ATP6V0D1: variants seen among roughly 807,000 people sequenced by gnomAD.
The protein encoded by ATP6V0D1 is ATPase H+ transporting V0 subunit d1, also known as V-type proton ATPase subunit d 1.
A neutral mutation model predicts 39.0 loss-of-function variants in ATP6V0D1; 13 were observed. The ratio of observed to expected loss-of-function variants is 0.33; its 90% CI spans 0.22 to 0.53. ATP6V0D1 has a LOEUF of 0.53. Ranked by LOEUF, ATP6V0D1 falls within the 20% of genes least tolerant of loss-of-function variation. The pLI, the probability that ATP6V0D1 is intolerant of heterozygous loss-of-function variation, is 0.94. For missense variants in ATP6V0D1, 272 were observed against 470.9 expected, an observed-to-expected ratio of 0.58 and a Z score of 3.91; for synonymous variants, 191 against 191.2, an observed-to-expected ratio of 1.00 and a Z score of 0.01.
chr16:67,451,460 G>A (rs536269379), intron 2 of ATP6V0D1, among the ~76,000 whole-genome samples: 1 of 152,222 alleles, frequency 6.6e-6, no homozygotes. Flanking sequence ...TGGAGGGCCT[G>A]AAGGCTGTGG....
chr16:67,444,743 G>A lies in ATP6V0D1; in HGVS notation c.303-37C>T, dbSNP rs774702108. 2 of 1,536,760 alleles carry A rather than the reference G, an allele frequency of 1.3e-6. No individual in the cohort carries two copies. The highest frequency in any genetic ancestry group is 1.8e-6 in the Non-Finnish European group (2 of 1,138,034). ...AGGCAATAGCAAGGAGCCCATCAAG[G>A]TGGGGGCCGGGAAGTCCTGGCATAG... On this transcript the variant is annotated intron_variant, in intron 2 of 7. Coordinates refer to ENST00000290949, the MANE Select transcript of ATP6V0D1 (RefSeq NM_004691.5). The surrounding 1 kb of genome is among the most constrained non-coding windows in gnomAD (Gnocchi z 4.8).
chr16:67,473,117 C>G (rs2041387581), intron 1 of ATP6V0D1, among the ~76,000 whole-genome samples: 1 of 152,138 alleles, frequency 6.6e-6, no homozygotes, highest in Admixed American at 6.5e-5. Context: ...TTCCACCTCC[C>G]AAGGCTGCTG....
At chr16:67,443,305 C>T in intron 3 of ATP6V0D1, 127 bp from the exon 4 acceptor site, 1 of 846,234 alleles carries the variant, frequency 1.2e-6, no homozygotes, top group South Asian at 1.6e-5. Flanking sequence ...GAGGGGTCCC[C>T]AGCCTAGGCT....
At chr16:67,452,300 C>T in intron 2 of ATP6V0D1, 1 of 1,535,720 alleles carries the variant, frequency 6.5e-7, no homozygotes, top group African/African-American at 1.4e-5. Flanking sequence ...CAGGAGAGGG[C>T]CTGCTTCCTA....
Position 67,453,443 on chromosome 16 carries a change from C to G in ATP6V0D1, c.302+101G>C, listed in dbSNP as rs911525376. On this transcript the variant is annotated intron_variant, in intron 2 of 7. Coordinates refer to ENST00000290949, the MANE Select transcript of ATP6V0D1 (RefSeq NM_004691.5). The surrounding 1 kb of genome is among the most constrained non-coding windows in gnomAD (Gnocchi z 4.1). ...CTGCCATCAGCTCTGACAGCTGACACAGGCACGAAGGCAGCTAGCCTAAGC... is the reference window on the plus strand; with the variant it reads ...CTGCCATCAGCTCTGACAGCTGACAGAGGCACGAAGGCAGCTAGCCTAAGC... 6 of 1,412,106 alleles carry G rather than the reference C, an allele frequency of 4.2e-6. No individual in the cohort carries two copies. The highest frequency in any genetic ancestry group is 2.1e-4 in the Middle Eastern group (1 of 4,822). The allele number at this position is 1,412,106 out of a possible 1,614,324, so 87.5% of individuals were successfully genotyped here.
rs560342160 is a variant in ATP6V0D1, at chr16:67,451,791, T to C, written c.302+1753A>G. Among the ~76,000 whole-genome samples, 6 of 152,352 alleles carry C rather than the reference T, an allele frequency of 3.9e-5. No homozygotes were observed. The East Asian group carries it at 1.2e-3, about 29-fold the overall frequency. The stretch of plus-strand genomic sequence containing the variant: ...AGCACTTGGCTGCTTTAAGCACCCT[T>C]GGTGCTTGCAGCCAACCTCCAGCTG... On this transcript the variant is annotated intron_variant, in intron 2 of 7. Coordinates refer to ENST00000290949, the MANE Select transcript of ATP6V0D1 (RefSeq NM_004691.5).
At chr16:67,477,433 T>A (rs909024356) in intron 1 of ATP6V0D1, among the ~76,000 whole-genome samples, 17 of 152,340 alleles carry the variant, frequency 1.1e-4, no homozygotes, top group South Asian at 2.1e-4. Context: ...GTCATTTTTT[T>A]AAAATACTCA....
Position 67,453,316 on chromosome 16 carries a change from T to C in ATP6V0D1, c.302+228A>G, listed in dbSNP as rs1002842340. Among the ~76,000 whole-genome samples the C allele has an allele frequency of 1.3e-5, 2 of 152,152 alleles. No individual in the cohort carries two copies. The highest frequency in any genetic ancestry group is 2.9e-5 in the Non-Finnish European group (2 of 68,016). On this transcript the variant is annotated intron_variant, in intron 2 of 7. Coordinates refer to ENST00000290949, the MANE Select transcript of ATP6V0D1 (RefSeq NM_004691.5). This position sits in a 1 kb window ranked among gnomAD's most constrained non-coding sequence, Gnocchi z 4.1. ...CAGTAGTGAACGTGCTGGTGACCCA[T>C]TTCATAGGTGGTGGCCTGGAAGTCC...
intron 4 of ATP6V0D1, chr16:67,439,693 C>A: frequency 2.9e-6 from 1 of 342,278 alleles, no homozygotes; most frequent in South Asian, 4.0e-5. Flanking sequence ...TCCTTTTCCC[C>A]AAATCTTTCC....
intron 1 of ATP6V0D1, among the ~76,000 whole-genome samples, chr16:67,464,002 G>C (rs1197523213): frequency 6.6e-6 from 1 of 152,266 alleles, no homozygotes; most frequent in African/African-American, 2.4e-5. Flanking sequence ...CCAGGACCCT[G>C]TGCTCTCCCA....
chr16:67,465,241 G>A (rs1032412012), intron 1 of ATP6V0D1, among the ~76,000 whole-genome samples: 2 of 152,192 alleles, frequency 1.3e-5, no homozygotes, highest in Non-Finnish European at 2.9e-5. Flanking sequence ...ATAACCCATC[G>A]CCAGCCTGAC....
chr16:67,438,428 C>A lies in ATP6V0D1; in HGVS notation c.*100G>T. ...CTACACCCCGGACAGGCAGGTGAGCCACAGGCTTGTCACAGACCACATACA... is the reference window on the plus strand; with the variant it reads ...CTACACCCCGGACAGGCAGGTGAGCAACAGGCTTGTCACAGACCACATACA... On this transcript the variant is annotated 3_prime_UTR_variant, in exon 8 of 8. Coordinates refer to ENST00000290949, the MANE Select transcript of ATP6V0D1 (RefSeq NM_004691.5). The A allele has an allele frequency of 1.4e-6, 2 of 1,434,788 alleles. No homozygotes were observed. Among genetic ancestry groups the A allele is most frequent in the Non-Finnish European group, 1.9e-6 (2 of 1,057,566 alleles). 88.9% of individuals were successfully genotyped at this position (1,434,788 alleles called of 1,614,324 possible).
intron 4 of ATP6V0D1, 155 bp from the exon 5 acceptor site, chr16:67,439,506 G>C (rs1193774774): frequency 2.9e-6 from 2 of 680,114 alleles, no homozygotes; most frequent in East Asian, 5.5e-5. Flanking sequence ...TTACAGCAAA[G>C]CCAATGAAAC....
At position 67,438,852 on chromosome 16, in the gene ATP6V0D1, C is replaced by T. The variant is rs201131049; in HGVS notation, c.835G>A (p.Glu279Lys). Reference protein sequence around the residue: ...DYYPEYKLLFEGAGSNPGDKT... With the variant: ...DYYPEYKLLFKGAGSNPGDKT... Reference sequence around the variant, plus strand: ...TCTCCAGGGTTGCTACCTGCACCCTCGAAGAGCAGCTTGTACTCCTGGCCA... The same window carrying T: ...TCTCCAGGGTTGCTACCTGCACCCTTGAAGAGCAGCTTGTACTCCTGGCCA... Residue 279 changes from glutamate (E) to lysine (K), a missense_variant, in exon 7 of 8, where the codon GAG (glutamate) becomes AAG (lysine). By Grantham distance (56) the Glu-to-Lys change is moderately conservative (BLOSUM62 1). This residue lies in a region of ATP6V0D1 where 21 missense variants were observed against 16.5 expected (regional missense o/e 1.27). Transcript: ENST00000290949. The T allele has an allele frequency of 7.4e-6, 12 of 1,611,110 alleles. No individual in the cohort carries two copies. Among genetic ancestry groups the T allele is most frequent in the African/African-American group, 5.4e-5 (4 of 73,776 alleles).
intron 2 of ATP6V0D1, among the ~76,000 whole-genome samples, chr16:67,449,131 C>T (rs1441442249): frequency 6.6e-6 from 1 of 152,260 alleles, no homozygotes; most frequent in Non-Finnish European, 1.5e-5. Flanking sequence ...CAGTTGCCCA[C>T]TCCAGGCTGG....
At chr16:67,439,499 C>A in intron 4 of ATP6V0D1, 148 bp from the exon 5 acceptor site, 2 of 699,802 alleles carry the variant, frequency 2.9e-6, no homozygotes, top group Non-Finnish European at 4.9e-6. Flanking sequence ...GCAGCCCTTA[C>A]AGCAAAGCCA....
In ATP6V0D1 at chr16:67,453,179, A is replaced by C. The variant is rs890137980; in HGVS notation, c.302+365T>G. ...CTGTTTGGGTGCTGTAGGGTAAGAA[A>C]AAGGGCTCCCACCTTCCCAGGTTTC... On this transcript the variant is annotated intron_variant, in intron 2 of 7. Transcript: ENST00000290949. This position sits in a 1 kb window ranked among gnomAD's most constrained non-coding sequence, Gnocchi z 4.1. Among the ~76,000 whole-genome samples the C allele has an allele frequency of 1.3e-5, 2 of 152,176 alleles. No homozygotes were observed. The highest frequency in any genetic ancestry group is 4.8e-5 in the African/African-American group (2 of 41,432).
intron 2 of ATP6V0D1, among the ~76,000 whole-genome samples, chr16:67,445,150 G>A (rs2041100179): frequency 6.6e-6 from 1 of 152,198 alleles, no homozygotes; most frequent in Non-Finnish European, 1.5e-5. Flanking sequence ...GCAAAGGCCT[G>A]GAGGCACTCA....
intron 2 of ATP6V0D1, among the ~76,000 whole-genome samples, chr16:67,451,665 T>C (rs909739257): frequency 3.3e-5 from 5 of 152,206 alleles, no homozygotes; most frequent in Admixed American, 6.5e-5. Flanking sequence ...GAGCTCCTTC[T>C]GAGTGAGGGG....
Sources: allele counts gnomAD v4.1 joint callset (sites outside exome capture counted in the v4.1 genomes callset), GRCh38; gene constraint gnomAD v4.1.1; regional missense constraint gnomAD v4.1.1; non-coding constraint Gnocchi (gnomAD v3.1); transcripts MANE v1.5; gene names NCBI Gene and HGNC (gene_info 2026-07-23, HGNC 2026-07-21).